NBEAL1: variants seen among roughly 807,000 people sequenced by gnomAD.
NBEAL1 encodes neurobeachin-like protein 1.
A neutral mutation model predicts 351.3 loss-of-function variants in NBEAL1; 273 were observed. That is an observed-to-expected ratio of 0.78 (90% CI 0.70 to 0.86). The LOEUF (loss-of-function observed/expected upper bound fraction) is 0.86. Among genes scored for constraint, NBEAL1 ranks in the 40% least tolerant of loss-of-function variants. NBEAL1 has a pLI of 0.00. For missense variants in NBEAL1, 2,961 were observed against 3,201.3 expected, an observed-to-expected ratio of 0.92 and a Z score of 1.81; for synonymous variants, 1,050 against 1,086.4, an observed-to-expected ratio of 0.97 and a Z score of 0.66.
chr2:203,016,222 G>A lies in NBEAL1; in HGVS notation c.-163G>A. 4.8e-6 allele frequency: 2 copies of A among 418,198 alleles called. No homozygotes were observed. Among genetic ancestry groups the A allele is most frequent in the East Asian group, 3.5e-5 (1 of 28,274 alleles). The allele number at this position is 418,198 out of a possible 1,614,324, so 25.9% of individuals were successfully genotyped here. ...GAGTGACTGCTGAAATTGCCTTTTT[G>A]TTTTTAACCAGAGGACAGTCCATTT... On this transcript the variant is annotated 5_prime_UTR_variant, in exon 2 of 56. Transcript: ENST00000683969.
chr2:203,108,212 TAAATGAATACTGTC>T, intron 14 of NBEAL1, 24 bp downstream of exon 14: 5 of 1,471,300 alleles, frequency 3.4e-6, no homozygotes, highest in Non-Finnish European at 4.6e-6. Flanking sequence ...TTATGGAATA[TAAATGAATACTGTC>T]ATAACAATAT....
At chr2:203,185,100 G>A (rs1475808291) in intron 44 of NBEAL1, among the ~76,000 whole-genome samples, 5 of 152,172 alleles carry the variant, frequency 3.3e-5, no homozygotes, top group African/African-American at 1.2e-4. Context: ...ATTAGTCCAA[G>A]GTTGAACAGG....
At chr2:203,207,504 A>T (rs539174194) in intron 51 of NBEAL1, among the ~76,000 whole-genome samples, 3 of 152,218 alleles carry the variant, frequency 2.0e-5, no homozygotes, top group Non-Finnish European at 2.9e-5. Context: ...GAGAAATCGG[A>T]TGGTTGCCGT....
chr2:203,057,106 A>G (rs1317168146), intron 5 of NBEAL1, among the ~76,000 whole-genome samples: 2 of 152,202 alleles, frequency 1.3e-5, no homozygotes, highest in African/African-American at 2.4e-5. Flanking sequence ...TTTATCACAT[A>G]TCCTTCTTAC....
At chr2:203,135,556 A>G in intron 27 of NBEAL1, 121 bp from the exon 28 acceptor site, 1 of 643,794 alleles carries the variant, frequency 1.6e-6, no homozygotes, top group Non-Finnish European at 2.6e-6. Flanking sequence ...ATCTTTTGAA[A>G]GTATATTCTT....
At chr2:203,184,490 AG>A (rs1294522276) in intron 44 of NBEAL1, among the ~76,000 whole-genome samples, 2 of 152,180 alleles carry the variant, frequency 1.3e-5, no homozygotes, top group African/African-American at 4.8e-5. Flanking sequence ...TTGGAATTGA[AG>A]GACTAGTGAG....
chr2:203,203,640 A>G (rs1418774228), intron 51 of NBEAL1, among the ~76,000 whole-genome samples: 1 of 152,184 alleles, frequency 6.6e-6, no homozygotes, highest in Non-Finnish European at 1.5e-5. Flanking sequence ...AGGGAAGCAG[A>G]GGCTGCAATG....
intron 2 of NBEAL1, among the ~76,000 whole-genome samples, chr2:203,037,830 C>CT (rs2061064069): frequency 6.7e-6 from 1 of 149,034 alleles, no homozygotes; most frequent in Non-Finnish European, 1.5e-5. Context: ...AGCATGATAG[C>CT]TGTAATCCCA....
chr2:203,130,336 G>A lies in NBEAL1; in HGVS notation c.3424G>A (p.Val1142Met), dbSNP rs757962481. Residue 1142 changes from valine (V) to methionine (M), a missense_variant, in exon 25 of 56, where the codon GTG (valine) becomes ATG (methionine). Transcript: ENST00000683969. ...TTAAAAGCTCTTTGGAATTTTGGAC[G>A]TGCTCTTCAGTCTCCTACGTACCAG... ...EEEQLFGILD[V>M]LFSLLRTSPT... The A allele has an allele frequency of 1.8e-5, 27 of 1,526,910 alleles. No homozygotes were observed. In the African/African-American group the frequency reaches 2.1e-4, roughly 12 times the overall value. 94.6% of individuals were successfully genotyped at this position (1,526,910 alleles called of 1,614,324 possible). A position where few individuals can be genotyped will look rare whatever the true frequency, so the allele number is the denominator to read the frequency against.
At chr2:203,089,333 T>A (rs1234621279) in intron 10 of NBEAL1, among the ~76,000 whole-genome samples, 2 of 149,626 alleles carry the variant, frequency 1.3e-5, no homozygotes, top group Non-Finnish European at 3.0e-5. Flanking sequence ...CACTCCAGCC[T>A]GGGTGACAGA....
chr2:203,067,813 A>G (rs189906331), intron 6 of NBEAL1, among the ~76,000 whole-genome samples: 19 of 152,334 alleles, frequency 1.2e-4, no homozygotes, highest in Admixed American at 7.8e-4. Context: ...TTTTGTATCA[A>G]ATTGAAATGT....
intron 7 of NBEAL1, among the ~76,000 whole-genome samples, chr2:203,071,122 G>A (rs779588560): frequency 6.6e-6 from 1 of 152,074 alleles, no homozygotes; most frequent in Admixed American, 6.6e-5. Context: ...GGATGGTAAG[G>A]GTTTCTAGGA....
At chr2:203,160,703 T>C (rs2063928656) in intron 36 of NBEAL1, among the ~76,000 whole-genome samples, 1 of 152,196 alleles carries the variant, frequency 6.6e-6, no homozygotes, top group African/African-American at 2.4e-5. Context: ...GTTGTTACTG[T>C]TGTGATTTTG....
At chr2:203,091,351 T>C (rs1474834387) in intron 10 of NBEAL1, among the ~76,000 whole-genome samples, 1 of 152,252 alleles carries the variant, frequency 6.6e-6, no homozygotes, top group African/African-American at 2.4e-5. Context: ...TTCCATTGTA[T>C]GTATATACCA....
chr2:203,162,083 G>A (rs2063982344), intron 36 of NBEAL1, among the ~76,000 whole-genome samples: 1 of 148,808 alleles, frequency 6.7e-6, no homozygotes, highest in Admixed American at 6.7e-5. Context: ...GAGTGCAGTG[G>A]CGCGATCTCG....
At chr2:203,181,124 G>C (rs925608536) in intron 43 of NBEAL1, 2 of 151,324 alleles carry the variant, frequency 1.3e-5, no homozygotes, top group African/African-American at 4.9e-5. Context: ...TAGAGATGGG[G>C]TCTCACTTTG....
Position 203,207,775 on chromosome 2 carries a change from C to G in NBEAL1, c.7507-862C>G. Among the ~76,000 whole-genome samples, 3 of 152,240 alleles carry G rather than the reference C, an allele frequency of 2.0e-5. No individual in the cohort carries two copies. The South Asian group carries it at 6.2e-4, about 32-fold the overall frequency. On this transcript the variant is annotated intron_variant, in intron 51 of 55. Coordinates refer to ENST00000683969, the MANE Select transcript of NBEAL1 (RefSeq NM_001378026.1). The stretch of plus-strand genomic sequence containing the variant: ...CAAGTACCCAGGGACACAAACACTG[C>G]GGAAGGCCGCAGGGTCCTCTGCAAA...
At chr2:203,206,127 CAT>C in intron 51 of NBEAL1, among the ~76,000 whole-genome samples, 1 of 152,066 alleles carries the variant, frequency 6.6e-6, no homozygotes, top group Non-Finnish European at 1.5e-5. Flanking sequence ...ATTAGGAAAA[CAT>C]AAGAATGGCA....
At chr2:203,216,153 A>G (rs182945759) in intron 55 of NBEAL1, among the ~76,000 whole-genome samples, 1 of 152,260 alleles carries the variant, frequency 6.6e-6, no homozygotes, top group Non-Finnish European at 1.5e-5. Flanking sequence ...CACTGATTTA[A>G]TTACTATTTG....
Sources: allele counts gnomAD v4.1 joint callset (sites outside exome capture counted in the v4.1 genomes callset), GRCh38; gene constraint gnomAD v4.1.1; transcripts MANE v1.5; gene names NCBI Gene and HGNC (gene_info 2026-07-23, HGNC 2026-07-21).